LRP1B: variants seen among roughly 807,000 people sequenced by gnomAD.
LRP1B encodes the protein low-density lipoprotein receptor-related protein 1B.
LRP1B carries 217 observed loss-of-function variants against 556.6 expected under a neutral mutation model. The observed-to-expected ratio is 0.39, with a 90% CI of 0.35 to 0.44. The LOEUF is 0.44. LRP1B is among the 20% of genes least tolerant of loss of function. The pLI, the probability that LRP1B is intolerant of heterozygous loss-of-function variation, is 1.00. For missense variants in LRP1B, 5,053 were observed against 5,620.8 expected (o/e 0.90, Z 3.23); for synonymous variants, 2,047 against 1,865.8 (o/e 1.10, Z -2.50).
At chr2:141,189,817 G>T (rs911956129) in intron 6 of LRP1B, among the ~76,000 whole-genome samples, 12 of 147,440 alleles carry the variant, frequency 8.1e-5, no homozygotes, top group Admixed American at 5.5e-4. Context: ...CTTAGAAAAA[G>T]GTATCCCAAA....
Position 141,121,721 on chromosome 2 carries a change from A to T in LRP1B, c.1014-59448T>A, listed in dbSNP as rs186098857. Among the ~76,000 whole-genome samples the T allele has an allele frequency of 2.1e-3, 323 of 152,218 alleles. 1 individual carries two copies. Among genetic ancestry groups the T allele is most frequent in the Non-Finnish European group, 2.2e-3 (149 of 68,010 alleles). On this transcript the variant is annotated intron_variant, in intron 7 of 90. Transcript: ENST00000389484. ...TGCCATCCCCATCAAGCTATCAATG[A>T]CCTTCTTCACAGAATTGGGAAAAAA...
At chr2:140,965,394 A>G (rs73964758) in intron 18 of LRP1B, among the ~76,000 whole-genome samples, 4,641 of 151,910 alleles carry the variant, frequency 0.031, 184 homozygotes, top group African/African-American at 0.09. Flanking sequence ...ATACCTCCAC[A>G]TGGAGGATGA....
intron 7 of LRP1B, among the ~76,000 whole-genome samples, chr2:141,086,637 TG>T (rs2104898704): frequency 6.6e-6 from 1 of 151,808 alleles, no homozygotes; most frequent in African/African-American, 2.4e-5. Context: ...TGTGTGTGTG[TG>T]TGTGTGTGTG....
At chr2:141,858,583 G>C (rs147333290) in intron 1 of LRP1B, among the ~76,000 whole-genome samples, 1 of 152,238 alleles carries the variant, frequency 6.6e-6, no homozygotes, top group Non-Finnish European at 1.5e-5. Flanking sequence ...TTTCCTCAGA[G>C]AGCTTAGTGA....
intron 66 of LRP1B, among the ~76,000 whole-genome samples, chr2:140,406,618 A>G (rs1192306426): frequency 6.6e-6 from 1 of 152,116 alleles, no homozygotes; most frequent in African/African-American, 2.4e-5. Flanking sequence ...TAAAATACCT[A>G]TGAATATACT....
intron 37 of LRP1B, among the ~76,000 whole-genome samples, chr2:140,712,649 T>C (rs1687074444): frequency 6.6e-6 from 1 of 152,106 alleles, no homozygotes; most frequent in Admixed American, 6.6e-5. Flanking sequence ...ATTTCTCCTC[T>C]TTCCCTTCAT....
intron 1 of LRP1B, among the ~76,000 whole-genome samples, chr2:142,118,431 G>C (rs1209346996): frequency 6.6e-6 from 1 of 152,058 alleles, no homozygotes; most frequent in African/African-American, 2.4e-5. Flanking sequence ...ATACGCTTTG[G>C]TTACTTCCCT....
chr2:141,785,178 A>G (rs1695389256), intron 2 of LRP1B, among the ~76,000 whole-genome samples: 1 of 152,006 alleles, frequency 6.6e-6, no homozygotes, highest in Non-Finnish European at 1.5e-5. Flanking sequence ...TGCCATTTCC[A>G]TATTCCTTTT....
intron 63 of LRP1B, among the ~76,000 whole-genome samples, chr2:140,448,088 T>C (rs1686742088): frequency 6.6e-6 from 1 of 151,938 alleles, no homozygotes; most frequent in African/African-American, 2.4e-5. Flanking sequence ...AAAATTGAAC[T>C]AGTGTGAGAA....
At chr2:141,273,910 C>T (rs1685184574) in intron 3 of LRP1B, among the ~76,000 whole-genome samples, 2 of 152,182 alleles carry the variant, frequency 1.3e-5, no homozygotes, top group Admixed American at 1.3e-4. Context: ...AAAGGATCTG[C>T]AGATATTTCT....
At chr2:142,051,808 C>T (rs1704471274) in intron 1 of LRP1B, among the ~76,000 whole-genome samples, 1 of 152,104 alleles carries the variant, frequency 6.6e-6, no homozygotes, top group Admixed American at 6.6e-5. Context: ...CTCAAAAATG[C>T]ACGCTGGATT....
chr2:140,603,158 C>G (rs142461849), intron 41 of LRP1B, among the ~76,000 whole-genome samples: 3 of 152,098 alleles, frequency 2.0e-5, no homozygotes, highest in Admixed American at 1.3e-4. Context: ...CATAGATAGT[C>G]TCCTCTCACA....
intron 1 of LRP1B, among the ~76,000 whole-genome samples, chr2:142,031,723 T>A (rs1703719892): frequency 6.6e-6 from 1 of 151,682 alleles, no homozygotes; most frequent in African/African-American, 2.4e-5. Flanking sequence ...TTGTTCAACA[T>A]CTGATTCAGT....
intron 2 of LRP1B, among the ~76,000 whole-genome samples, chr2:141,492,888 T>G (rs1335991862): frequency 1.3e-5 from 2 of 152,172 alleles, no homozygotes; most frequent in Non-Finnish European, 2.9e-5. Flanking sequence ...CTTCAAAATT[T>G]AATTTCTTAT....
At chr2:141,718,097 A>G (rs893718124) in intron 2 of LRP1B, among the ~76,000 whole-genome samples, 7 of 152,098 alleles carry the variant, frequency 4.6e-5, no homozygotes, top group Admixed American at 2.0e-4. Context: ...CCAGCTATGC[A>G]TTTTTTTCTG....
At chr2:140,852,801 T>C (rs971806878) in intron 27 of LRP1B, among the ~76,000 whole-genome samples, 1 of 152,144 alleles carries the variant, frequency 6.6e-6, no homozygotes, top group Non-Finnish European at 1.5e-5. Context: ...CTGAATGTCT[T>C]GGGACATTTT....
chr2:141,552,034 G>T (rs1685768607), intron 2 of LRP1B, among the ~76,000 whole-genome samples: 1 of 151,954 alleles, frequency 6.6e-6, no homozygotes, highest in South Asian at 2.1e-4. Context: ...ATCACAGTGT[G>T]ATATTTAATA....
intron 1 of LRP1B, among the ~76,000 whole-genome samples, chr2:142,028,847 C>A (rs1193971357): frequency 6.6e-6 from 1 of 151,840 alleles, no homozygotes; most frequent in African/African-American, 2.4e-5. Context: ...TTCCCCCTAG[C>A]CATTATAATA....
chr2:141,283,629 T>TTG (rs1348309694), intron 3 of LRP1B, among the ~76,000 whole-genome samples: 1 of 149,508 alleles, frequency 6.7e-6, no homozygotes, highest in Non-Finnish European at 1.5e-5. Flanking sequence ...TTTTTTTTTT[T>TTG]TTTTTTTTTG....
Sources: gnomAD v4.1 joint callset for allele counts (sites outside exome capture counted in the v4.1 genomes callset) on GRCh38, gnomAD v4.1.1 for gene constraint, MANE v1.5 for transcripts, NCBI Gene and HGNC (gene_info 2026-07-23, HGNC 2026-07-21) for gene names.